The following GRIN2A variants were observed in gnomAD, a reference collection of about 807,000 sequenced individuals.
GRIN2A encodes the protein glutamate receptor ionotropic, NMDA 2A.
A neutral mutation model predicts 113.4 loss-of-function variants in GRIN2A; 22 were observed. The ratio of observed to expected loss-of-function variants is 0.19; its 90% CI spans 0.14 to 0.28. The LOEUF (loss-of-function observed/expected upper bound fraction) is 0.28, where lower values mean the gene tolerates loss of function less well. Ranked by LOEUF, GRIN2A falls within the 10% of genes least tolerant of loss-of-function variation. GRIN2A has a pLI of 1.00. For missense variants in GRIN2A, 1,502 were observed against 1,887.0 expected (o/e 0.80, Z 3.78); for synonymous variants, 827 against 738.4 (o/e 1.12, Z -1.94).
chr16:9,847,513 C>T (rs914576856), intron 5 of GRIN2A, among the ~76,000 whole-genome samples: 3 of 151,728 alleles, frequency 2.0e-5, no homozygotes, highest in Non-Finnish European at 2.9e-5. Flanking sequence ...TGCAGTGAGC[C>T]GTGATCACAC....
chr16:9,907,519 C>T (rs1028509151), intron 3 of GRIN2A, among the ~76,000 whole-genome samples: 3 of 152,108 alleles, frequency 2.0e-5, no homozygotes, highest in Admixed American at 6.5e-5. Context: ...TGTGATGGAA[C>T]GGCTCTGAAT....
intron 3 of GRIN2A, among the ~76,000 whole-genome samples, chr16:9,910,537 C>CTTTTTTTTTTTTTTTTTT (rs35352418): frequency 8.1e-6 from 1 of 123,286 alleles, no homozygotes; most frequent in African/African-American, 3.1e-5. Flanking sequence ...TCTCAGAGTT[C>CTTTTTTTTTTTTTTTTTT]TTTTTTTTTT....
At chr16:9,862,805 T>C (rs1210597134) in intron 4 of GRIN2A, among the ~76,000 whole-genome samples, 3 of 152,120 alleles carry the variant, frequency 2.0e-5, no homozygotes. Context: ...AAAAAGGAGC[T>C]CTTTCATAAT....
At chr16:10,033,240 A>C (rs2046962947) in intron 2 of GRIN2A, among the ~76,000 whole-genome samples, 1 of 152,216 alleles carries the variant, frequency 6.6e-6, no homozygotes, top group South Asian at 2.1e-4. Flanking sequence ...GCTTTGGCCA[A>C]ATAGGTCTGG....
chr16:9,891,152 C>A, intron 3 of GRIN2A, 52 bp from the exon 4 acceptor site: 1 of 1,053,014 alleles, frequency 9.5e-7, no homozygotes, highest in Admixed American at 1.7e-5. Flanking sequence ...TTAGAGCAAT[C>A]GAACAAATAA....
chr16:9,995,150 G>C (rs2046199861), intron 2 of GRIN2A, among the ~76,000 whole-genome samples: 1 of 152,156 alleles, frequency 6.6e-6, no homozygotes, highest in African/African-American at 2.4e-5. Flanking sequence ...AGAATGGTTA[G>C]AGAAGGCCAC....
intron 9 of GRIN2A, among the ~76,000 whole-genome samples, chr16:9,828,217 C>T (rs963434742): frequency 3.9e-5 from 6 of 152,138 alleles, no homozygotes; most frequent in Admixed American, 2.0e-4. Flanking sequence ...AGGAAGGAAA[C>T]GTGGGAGCAG....
intron 4 of GRIN2A, among the ~76,000 whole-genome samples, chr16:9,857,203 A>AT (rs1596504092): frequency 6.6e-6 from 1 of 152,234 alleles, no homozygotes; most frequent in East Asian, 1.9e-4. Context: ...CAATATTACA[A>AT]TTACATGTCA....
intron 2 of GRIN2A, among the ~76,000 whole-genome samples, chr16:9,947,262 A>G (rs1167733466): frequency 3.3e-5 from 5 of 151,974 alleles, no homozygotes; most frequent in African/African-American, 1.2e-4. Context: ...TTTTTCTCTA[A>G]TATGTGCTGA....
At chr16:10,152,318 A>G (rs1210405109) in intron 2 of GRIN2A, among the ~76,000 whole-genome samples, 1 of 152,214 alleles carries the variant, frequency 6.6e-6, no homozygotes. Flanking sequence ...CATACGCACC[A>G]TGTACTTGGC....
intron 9 of GRIN2A, among the ~76,000 whole-genome samples, chr16:9,824,104 G>A (rs1001154599): frequency 6.6e-6 from 1 of 152,132 alleles, no homozygotes; most frequent in Non-Finnish European, 1.5e-5. Context: ...GTTGAAAATC[G>A]TTTTCCCTAA....
intron 2 of GRIN2A, among the ~76,000 whole-genome samples, chr16:9,939,124 C>T (rs2044792538): frequency 6.6e-6 from 1 of 152,142 alleles, no homozygotes; most frequent in Non-Finnish European, 1.5e-5. Context: ...ATGTGGACAT[C>T]TACCTTTTCA....
chr16:10,079,442 T>C (rs756475619), intron 2 of GRIN2A, among the ~76,000 whole-genome samples: 5 of 152,172 alleles, frequency 3.3e-5, no homozygotes, highest in Non-Finnish European at 5.9e-5. Flanking sequence ...ATGGTCTGAA[T>C]GTCTGTATCC....
At chr16:10,030,237 A>G (rs2046904044) in intron 2 of GRIN2A, among the ~76,000 whole-genome samples, 1 of 152,104 alleles carries the variant, frequency 6.6e-6, no homozygotes, top group African/African-American at 2.4e-5. Context: ...CTCGTCCTTC[A>G]ATATTACTGC....
chr16:10,024,503 C>G (rs773870390), intron 2 of GRIN2A, among the ~76,000 whole-genome samples: 1 of 152,208 alleles, frequency 6.6e-6, no homozygotes, highest in Admixed American at 6.5e-5. Context: ...CAGGCGTGAG[C>G]CAACGTGCCC....
chr16:10,080,917 A>G (rs1448269), intron 2 of GRIN2A, among the ~76,000 whole-genome samples: 151,119 of 152,228 alleles, frequency 0.99, 75,020 homozygotes, highest in Middle Eastern at 1. Flanking sequence ...TTCCCGTCTC[A>G]AATGTTCTGC....
Position 10,158,296 on chromosome 16 carries a change from T to G in GRIN2A, c.414+21702A>C, listed in dbSNP as rs149765856. The stretch of plus-strand genomic sequence containing the variant: ...CTAGGATTACAGGCGTGAGCCACTG[T>G]ATCTGGCATCATTTTATTTTAAGAT... On this transcript the variant is annotated intron_variant, in intron 2 of 12. Transcript: ENST00000330684. 3.3e-5 allele frequency among the ~76,000 whole-genome samples: 5 copies of G among 152,314 alleles called. No individual in the cohort carries two copies. The East Asian group carries it at 7.7e-4, about 23-fold the overall frequency.
At chr16:9,901,820 CT>C (rs1363515816) in intron 3 of GRIN2A, among the ~76,000 whole-genome samples, 2 of 152,212 alleles carry the variant, frequency 1.3e-5, no homozygotes, top group African/African-American at 4.8e-5. Flanking sequence ...AAGATATTTG[CT>C]CATCCATGCT....
chr16:10,152,540 G>A (rs886717064), intron 2 of GRIN2A, among the ~76,000 whole-genome samples: 1 of 152,104 alleles, frequency 6.6e-6, no homozygotes, highest in African/African-American at 2.4e-5. Context: ...ACTCTGACCT[G>A]GTTCATTCTC....
Sources: allele counts gnomAD v4.1 joint callset (sites outside exome capture counted in the v4.1 genomes callset), GRCh38; gene constraint gnomAD v4.1.1; transcripts MANE v1.5; gene names NCBI Gene and HGNC (gene_info 2026-07-23, HGNC 2026-07-21).